The following THSD7A variants were observed in gnomAD, a reference collection of about 807,000 sequenced individuals.
The protein encoded by THSD7A is thrombospondin type-1 domain-containing protein 7A.
In THSD7A, 96 loss-of-function variants were observed where a neutral mutation model predicts 231.3. That is an observed-to-expected ratio of 0.41 (90% confidence interval 0.35 to 0.49). THSD7A has a LOEUF of 0.49. Ranked by LOEUF, THSD7A falls within the 20% of genes least tolerant of loss-of-function variation. THSD7A has a pLI of 0.05. For synonymous variants in THSD7A, 940 were observed against 743.3 expected, an observed-to-expected ratio of 1.26 and a Z score of -4.30; for missense variants, 2,290 against 2,070.2, an observed-to-expected ratio of 1.11 and a Z score of -2.06.
intron 1 of THSD7A, among the ~76,000 whole-genome samples, chr7:11,715,560 T>A (rs13307057): frequency 6.6e-6 from 1 of 151,394 alleles, no homozygotes; most frequent in South Asian, 2.1e-4. Context: ...CTTCTTTCTG[T>A]CTCTCAAAGC....
At position 11,505,919 on chromosome 7, in the gene THSD7A, A is replaced by G. The variant is rs556409856; in HGVS notation, c.1823-23937T>C. On this transcript the variant is annotated intron_variant, in intron 6 of 27. Transcript: ENST00000423059. ...CATGAGAAGAATCTGGACTTGCGGG[A>G]TGGGGAATCTAAGAGTGCTTTGCAA... 1.8e-3 allele frequency among the ~76,000 whole-genome samples: 273 copies of G among 152,232 alleles called. 1 individual carries two copies. Among genetic ancestry groups the G allele is most frequent in the Admixed American group, 3.7e-3 (56 of 15,296 alleles).
rs571849506 is a variant in THSD7A, at chr7:11,374,619, C to CTTAT, written c.*1174_*1175insATAA. On this transcript the variant is annotated 3_prime_UTR_variant, in exon 28 of 28. Coordinates refer to ENST00000423059, the MANE Select transcript of THSD7A (RefSeq NM_015204.3). ...TCAAAATTAAAAAGACATCCAGTTC[C>CTTAT]TTTTTCTTTTTTTTTCTTAACAAAG... The CTTAT allele has an allele frequency of 6.6e-6, 1 of 150,840 alleles. No homozygotes were observed. Among genetic ancestry groups the CTTAT allele is most frequent in the Non-Finnish European group, 1.5e-5 (1 of 67,644 alleles). 9.3% of individuals were successfully genotyped at this position (150,840 alleles called of 1,614,324 possible).
chr7:11,484,874 A>AT lies in THSD7A; in HGVS notation c.1823-2893dup, dbSNP rs56353626. 6.6e-3 allele frequency among the ~76,000 whole-genome samples: 355 copies of AT among 53,744 alleles called. 54 individuals carry two copies. The highest frequency in any genetic ancestry group is 0.025 in the East Asian group (35 of 1,398). 35.3% of individuals were successfully genotyped at this position (53,744 alleles called of 152,430 possible). On this transcript the variant is annotated intron_variant, in intron 6 of 27. Transcript: ENST00000423059. ...CTCAACCCACTGAATCACAACCTTA[A>AT]TTTTTTTTTTTTTTTTTTTTTTTTT...
At chr7:11,820,263 C>A in intron 1 of THSD7A, 4 of 421,686 alleles carry the variant, frequency 9.5e-6, no homozygotes, top group Non-Finnish European at 1.7e-5. Context: ...TCCTCGCCAG[C>A]CATCTTTCCA....
intron 2 of THSD7A, among the ~76,000 whole-genome samples, chr7:11,603,198 T>C (rs1289053843): frequency 1.3e-5 from 2 of 151,670 alleles, no homozygotes; most frequent in South Asian, 2.1e-4. Context: ...ACAAACAACC[T>C]CATGAAAAAG....
rs993390403 is a variant in THSD7A, at chr7:11,444,903, G to GTA, written c.3064+1156_3064+1157dup. On this transcript the variant is annotated intron_variant, in intron 13 of 27. Coordinates refer to ENST00000423059, the MANE Select transcript of THSD7A (RefSeq NM_015204.3). The surrounding 1 kb of genome is among the most constrained non-coding windows in gnomAD (Gnocchi z 4.2). ...CTATTTTATATATATATAAAATGCT[G>GTA]TATATATATAATGAAACTATATATG... is the stretch of plus-strand genomic sequence containing the variant. Among the ~76,000 whole-genome samples the GTA allele has an allele frequency of 9.6e-5, 14 of 146,318 alleles. No homozygotes were observed. The South Asian group carries it at 1.5e-3, about 16-fold the overall frequency.
rs1402018521 is a variant in THSD7A at position 11,447,327 on chromosome 7, G to C, written c.2703C>G (p.Ile901Met). The change falls in exon 12 of 28, where the codon ATC (isoleucine) becomes ATG (methionine). Residue 901 changes from isoleucine to methionine, a missense_variant. Transcript: ENST00000423059. ...PVPALTQACQIPCQDDCQLTS... is the reference protein window; with the variant it reads ...PVPALTQACQMPCQDDCQLTS... ...TCAATTGACAGTCATCCTGGCAGGG[G>C]ATCTGGCAGGCCTGGGTAAGGGCTG... 2 of 1,612,708 alleles carry C rather than the reference G, an allele frequency of 1.2e-6. No individual in the cohort carries two copies. The highest frequency in any genetic ancestry group is 2.7e-5 in the African/African-American group (2 of 74,856).
intron 4 of THSD7A, among the ~76,000 whole-genome samples, chr7:11,564,922 A>C (rs1368705027): frequency 6.6e-6 from 1 of 152,214 alleles, no homozygotes; most frequent in Non-Finnish European, 1.5e-5. Flanking sequence ...TTTTTCTAAC[A>C]ATTTCATCAT....
At chr7:11,401,026 A>G (rs1446837673) in intron 23 of THSD7A, among the ~76,000 whole-genome samples, 1 of 152,224 alleles carries the variant, frequency 6.6e-6, no homozygotes, top group Non-Finnish European at 1.5e-5. Flanking sequence ...TCACACAGAC[A>G]TATAAACATA....
At chr7:11,465,097 T>C (rs1297766480) in intron 9 of THSD7A, among the ~76,000 whole-genome samples, 1 of 152,200 alleles carries the variant, frequency 6.6e-6, no homozygotes, top group Non-Finnish European at 1.5e-5. Flanking sequence ...ATTTGTAGTG[T>C]TTCTATTCAT....
intron 1 of THSD7A, among the ~76,000 whole-genome samples, chr7:11,815,328 T>G (rs1432768473): frequency 1.3e-5 from 2 of 151,956 alleles, no homozygotes; most frequent in African/African-American, 4.8e-5. Context: ...GTGGTATTAC[T>G]TCTCTTAACC....
At chr7:11,453,439 G>A (rs1785207090) in intron 11 of THSD7A, among the ~76,000 whole-genome samples, 2 of 151,642 alleles carry the variant, frequency 1.3e-5, no homozygotes, top group African/African-American at 4.8e-5. Context: ...TATTATTGAA[G>A]TATTTTTCTT....
At chr7:11,805,313 A>G (rs1406450570) in intron 1 of THSD7A, among the ~76,000 whole-genome samples, 1 of 152,182 alleles carries the variant, frequency 6.6e-6, no homozygotes, top group Non-Finnish European at 1.5e-5. Flanking sequence ...AAATACTAAT[A>G]GAAACATTAT....
chr7:11,822,989 A>C (rs1160302706), intron 1 of THSD7A, among the ~76,000 whole-genome samples: 2 of 151,900 alleles, frequency 1.3e-5, no homozygotes, highest in Admixed American at 6.6e-5. Context: ...AGTTTTTGTT[A>C]CCTGTGACTT....
chr7:11,569,826 T>C (rs941142488), intron 4 of THSD7A, among the ~76,000 whole-genome samples: 1 of 152,146 alleles, frequency 6.6e-6, no homozygotes, highest in Non-Finnish European at 1.5e-5. Flanking sequence ...ATGTACACAA[T>C]GGTATACTAT....
In THSD7A at chr7:11,435,163, C is replaced by T. The variant is rs868728545; in HGVS notation, c.3065-6038G>A. On this transcript the variant is annotated intron_variant, in intron 13 of 27. Transcript: ENST00000423059. ...ATACTGGGAATTTACTCAATGACCA[C>T]GCTTTTTCAGATTCATTGAGTGATA... 6.6e-5 allele frequency among the ~76,000 whole-genome samples: 10 copies of T among 152,118 alleles called. 1 individual carries two copies. The highest frequency in any genetic ancestry group is 3.4e-3 in the Middle Eastern group (1 of 294).
chr7:11,818,873 G>C (rs528496483), intron 1 of THSD7A, among the ~76,000 whole-genome samples: 2 of 128,508 alleles, frequency 1.6e-5, no homozygotes, highest in Non-Finnish European at 3.2e-5. Flanking sequence ...ATTCCCATGT[G>C]GTTTTTTTTC....
At chr7:11,579,831 C>G (rs1791080693) in intron 4 of THSD7A, among the ~76,000 whole-genome samples, 1 of 152,154 alleles carries the variant, frequency 6.6e-6, no homozygotes, top group Admixed American at 6.5e-5. Context: ...ACCTCTAGAA[C>G]TATGGGGAAA....
chr7:11,740,049 T>A (rs988692665), intron 1 of THSD7A, among the ~76,000 whole-genome samples: 5 of 151,978 alleles, frequency 3.3e-5, no homozygotes, highest in Admixed American at 3.3e-4. Flanking sequence ...AAACTTTTAT[T>A]CACTGGCTCC....
Sources: allele counts gnomAD v4.1 joint callset (sites outside exome capture counted in the v4.1 genomes callset), GRCh38; gene constraint gnomAD v4.1.1; non-coding constraint Gnocchi (gnomAD v3.1); transcripts MANE v1.5; gene names NCBI Gene and HGNC (gene_info 2026-07-23, HGNC 2026-07-21).